The following PTPRN2 variants were observed in gnomAD, a reference collection of about 807,000 sequenced individuals.
PTPRN2 encodes receptor-type tyrosine-protein phosphatase N2.
PTPRN2 carries 74 observed loss-of-function variants against 118.8 expected under a neutral mutation model. The ratio of observed to expected loss-of-function variants is 0.62; its 90% CI spans 0.52 to 0.76. The LOEUF (loss-of-function observed/expected upper bound fraction) is 0.76. PTPRN2 is among the 30% of genes least tolerant of loss of function. The pLI is 0.00. For synonymous variants in PTPRN2, 641 were observed against 608.0 expected, an observed-to-expected ratio of 1.05 and a Z score of -0.80; for missense variants, 1,481 against 1,394.4, an observed-to-expected ratio of 1.06 and a Z score of -0.99.
intron 3 of PTPRN2, among the ~76,000 whole-genome samples, chr7:158,226,285 A>C (rs531438530): frequency 1.5e-3 from 223 of 150,094 alleles, no homozygotes; most frequent in African/African-American, 5.4e-3. Flanking sequence ...ATAGTTTGAG[A>C]AGCAGAATTG....
At chr7:158,149,441 TAAA>T (rs112794279) in intron 6 of PTPRN2, among the ~76,000 whole-genome samples, 1 of 143,214 alleles carries the variant, frequency 7.0e-6, no homozygotes, top group Non-Finnish European at 1.5e-5. Context: ...TCTCAAGAGG[TAAA>T]AAAAAAAAAA....
chr7:158,075,648 C>A (rs1307641101), intron 11 of PTPRN2, among the ~76,000 whole-genome samples: 1 of 152,230 alleles, frequency 6.6e-6, no homozygotes. Context: ...TTTAGTTACT[C>A]CTCATCGTCT....
rs369013482 is a variant in PTPRN2, at chr7:158,117,617, T to C, written c.1557-6702A>G. On this transcript the variant is annotated intron_variant, in intron 9 of 22. Transcript: ENST00000389418. The stretch of plus-strand genomic sequence containing the variant: ...AATTAACTCAGAGACACATTTTAAC[T>C]AAATTGTTAAAAGACAAGGACAAAC... 2.6e-4 allele frequency among the ~76,000 whole-genome samples: 40 copies of C among 152,298 alleles called. 1 individual carries two copies. In the East Asian group the frequency reaches 7.1e-3, roughly 27 times the overall value.
chr7:157,608,392 T>C (rs1042808752), intron 15 of PTPRN2, among the ~76,000 whole-genome samples: 2 of 152,016 alleles, frequency 1.3e-5, no homozygotes, highest in Non-Finnish European at 2.9e-5. Flanking sequence ...GTTTGTAATA[T>C]GGGGTCATTT....
chr7:158,279,143 C>T (rs1189479517), intron 3 of PTPRN2, among the ~76,000 whole-genome samples: 2 of 152,228 alleles, frequency 1.3e-5, no homozygotes, highest in African/African-American at 2.4e-5. Flanking sequence ...CTGCTTTTAT[C>T]CCCATATCTG....
chr7:157,587,227 CAGACAGGCAGACAGCG>C lies in PTPRN2; in HGVS notation c.2496+7995_2496+8010del, dbSNP rs1436512946. On this transcript the variant is annotated intron_variant, in intron 17 of 22. Transcript: ENST00000389418. This position sits in a 1 kb window ranked among gnomAD's most constrained non-coding sequence, Gnocchi z 5.3. ...GGCAGACAGAGACAAGACACACAGG[CAGACAGGCAGACAGCG>C]AGACAGGCAGACAGACAGGCAGACA... 4.0e-5 allele frequency among the ~76,000 whole-genome samples: 6 copies of C among 151,336 alleles called. 1 individual carries two copies. The highest frequency in any genetic ancestry group is 1.9e-4 in the East Asian group (1 of 5,138).
intron 3 of PTPRN2, among the ~76,000 whole-genome samples, chr7:158,268,923 C>T (rs1363581330): frequency 1.3e-5 from 2 of 150,980 alleles, no homozygotes; most frequent in Admixed American, 6.6e-5. Flanking sequence ...ATCCCAGCCG[C>T]GTGCACACAG....
At chr7:158,013,754 TCC>T (rs1806226148) in intron 11 of PTPRN2, among the ~76,000 whole-genome samples, 1 of 3,006 alleles carries the variant, frequency 3.3e-4, no homozygotes, top group South Asian at 0.019. Flanking sequence ...CGCCCATCCA[TCC>T]ATCCACTCAT....
intron 2 of PTPRN2, among the ~76,000 whole-genome samples, chr7:158,407,655 CATCCT>C (rs1813695715): frequency 8.0e-5 from 2 of 24,866 alleles, no homozygotes; most frequent in Non-Finnish European, 1.7e-4. Context: ...CTGGGTCCTG[CATCCT>C]GCGTCCTGCG....
intron 12 of PTPRN2, among the ~76,000 whole-genome samples, chr7:157,804,667 A>G (rs1213675507): frequency 6.6e-6 from 1 of 152,156 alleles, no homozygotes; most frequent in Non-Finnish European, 1.5e-5. Flanking sequence ...ACACATGCAC[A>G]CAGTCTCCCC....
intron 12 of PTPRN2, among the ~76,000 whole-genome samples, chr7:157,795,914 C>T (rs1804841683): frequency 6.6e-6 from 1 of 152,236 alleles, no homozygotes; most frequent in Non-Finnish European, 1.5e-5. Flanking sequence ...TGCTGACGCC[C>T]TCAGAAACCT....
At chr7:157,607,691 G>A (rs1802087196) in intron 15 of PTPRN2, among the ~76,000 whole-genome samples, 2 of 152,228 alleles carry the variant, frequency 1.3e-5, no homozygotes, top group African/African-American at 2.4e-5. Context: ...CAGGCCCTGT[G>A]AGCAACAGGC....
Position 157,583,803 on chromosome 7 carries a change from G to C in PTPRN2, c.2497-5663C>G, listed in dbSNP as rs1800513357. On this transcript the variant is annotated intron_variant, in intron 17 of 22. Transcript: ENST00000389418. The surrounding 1 kb of genome is among the most constrained non-coding windows in gnomAD (Gnocchi z 5.5). The stretch of plus-strand genomic sequence containing the variant: ...AGGCTGAGGCAGGAGAACTGCTTGT[G>C]CCTGGAAGGCAGAGGTTGCAGTGAG... Among the ~76,000 whole-genome samples the C allele has an allele frequency of 6.6e-6, 1 of 151,992 alleles. No homozygotes were observed.
intron 12 of PTPRN2, among the ~76,000 whole-genome samples, chr7:157,723,481 C>G (rs942901133): frequency 6.6e-6 from 1 of 152,236 alleles, no homozygotes; most frequent in African/African-American, 2.4e-5. Context: ...CCCCTCTCCC[C>G]ACACCAGCAT....
intron 12 of PTPRN2, among the ~76,000 whole-genome samples, chr7:157,733,124 G>C (rs372884399): frequency 1.4e-3 from 29 of 21,144 alleles, no homozygotes; most frequent in South Asian, 3.2e-3. Context: ...TCCCGTCCCA[G>C]GCGCCCAGCA....
At chr7:157,804,298 A>C (rs977941532) in intron 12 of PTPRN2, among the ~76,000 whole-genome samples, 2 of 152,208 alleles carry the variant, frequency 1.3e-5, no homozygotes, top group South Asian at 2.1e-4. Flanking sequence ...CAATTTGCTA[A>C]GGCTGGGAAT....
In PTPRN2 at chr7:158,052,199, T is replaced by C. The variant is rs58021307; in HGVS notation, c.1723+29099A>G. Among the ~76,000 whole-genome samples, 707 of 152,342 alleles carry C rather than the reference T, an allele frequency of 4.6e-3. 2 individuals are homozygous for C. The highest frequency in any genetic ancestry group is 0.016 in the African/African-American group (655 of 41,578). The stretch of plus-strand genomic sequence containing the variant: ...TGGCAATGACTTCTACGGGAGGAAA[T>C]GTTTTTGTGAAACGTGCTAATGTTT... On this transcript the variant is annotated intron_variant, in intron 11 of 22. Coordinates refer to ENST00000389418, the MANE Select transcript of PTPRN2 (RefSeq NM_002847.5).
chr7:158,031,835 G>A (rs1461453037), intron 11 of PTPRN2, among the ~76,000 whole-genome samples: 1 of 152,244 alleles, frequency 6.6e-6, no homozygotes, highest in East Asian at 1.9e-4. Flanking sequence ...AGACGCGGGG[G>A]CTGTTTACAG....
intron 1 of PTPRN2, among the ~76,000 whole-genome samples, chr7:158,578,537 T>TGAAAAAAAA (rs559379060): frequency 7.9e-6 from 1 of 125,906 alleles, no homozygotes; most frequent in African/African-American, 3.0e-5. Flanking sequence ...CCTGTCTCTG[T>TGAAAAAAAA]AAAAAAAAAA....
Sources: gnomAD v4.1 joint callset for allele counts (sites outside exome capture counted in the v4.1 genomes callset) on GRCh38, gnomAD v4.1.1 for gene constraint, Gnocchi (gnomAD v3.1) non-coding constraint, MANE v1.5 for transcripts, NCBI Gene and HGNC (gene_info 2026-07-23, HGNC 2026-07-21) for gene names.